Variants in GABRB2 observed in about 807,000 individuals in gnomAD.
The protein encoded by GABRB2 is gamma-aminobutyric acid type A receptor subunit beta2.
A neutral mutation model predicts 54.7 loss-of-function variants in GABRB2; 16 were observed. The ratio of observed to expected loss-of-function variants is 0.29; its 90% CI spans 0.20 to 0.44. The LOEUF is 0.44. GABRB2 is among the 20% of genes least tolerant of loss of function. GABRB2 has a pLI of 1.00. For missense variants in GABRB2, 355 were observed against 644.0 expected (o/e 0.55, Z 4.86); for synonymous variants, 244 against 233.8 (o/e 1.04, Z -0.40).
At chr5:161,400,966 G>A (rs538111454) in intron 5 of GABRB2, among the ~76,000 whole-genome samples, 1 of 152,110 alleles carries the variant, frequency 6.6e-6, no homozygotes, top group African/African-American at 2.4e-5. Context: ...AGGGGGTGTA[G>A]GGGGTGATGT....
intron 3 of GABRB2, among the ~76,000 whole-genome samples, chr5:161,512,227 A>T (rs1218225667): frequency 3.3e-5 from 5 of 151,816 alleles, no homozygotes; most frequent in Non-Finnish European, 7.4e-5. Context: ...TCACAAAATT[A>T]TTTTTTTTAA....
At chr5:161,306,604 T>C (rs1757697877) in intron 9 of GABRB2, among the ~76,000 whole-genome samples, 2 of 152,138 alleles carry the variant, frequency 1.3e-5, no homozygotes, top group Admixed American at 1.3e-4. Flanking sequence ...TGGACTTCGC[T>C]TCTACAGATT....
At chr5:161,385,089 A>G (rs747739944) in intron 5 of GABRB2, among the ~76,000 whole-genome samples, 18 of 152,128 alleles carry the variant, frequency 1.2e-4, no homozygotes, top group Non-Finnish European at 1.9e-4. Context: ...AATCTCCCGC[A>G]TTGAGCATCC....
intron 3 of GABRB2, among the ~76,000 whole-genome samples, chr5:161,489,510 T>A (rs954706957): frequency 1.3e-5 from 2 of 151,544 alleles, no homozygotes; most frequent in Admixed American, 1.3e-4. Context: ...GTCACACTGG[T>A]AGGAAATGAG....
At chr5:161,427,053 T>G (rs1243166893) in intron 4 of GABRB2, among the ~76,000 whole-genome samples, 1 of 152,188 alleles carries the variant, frequency 6.6e-6, no homozygotes, top group Non-Finnish European at 1.5e-5. Flanking sequence ...TTTTCCTATC[T>G]ATGTCTTCTG....
chr5:161,545,349 C>G, intron 2 of GABRB2, 55 bp from the exon 3 acceptor site: 1 of 1,391,524 alleles, frequency 7.2e-7, no homozygotes, highest in Non-Finnish European at 9.9e-7. Context: ...TCATTCTCAG[C>G]AAGAGTTATC....
At chr5:161,469,417 C>T (rs1483311452) in intron 3 of GABRB2, among the ~76,000 whole-genome samples, 2 of 151,630 alleles carry the variant, frequency 1.3e-5, no homozygotes, top group African/African-American at 4.8e-5. Context: ...AGTAAGAGCA[C>T]CAATTGTTCC....
intron 3 of GABRB2, among the ~76,000 whole-genome samples, chr5:161,503,449 T>C (rs190799785): frequency 5.9e-5 from 9 of 152,070 alleles, no homozygotes; most frequent in African/African-American, 2.2e-4. Flanking sequence ...ATTAATCACA[T>C]TAAAAGTAAA....
intron 4 of GABRB2, among the ~76,000 whole-genome samples, chr5:161,441,023 T>C (rs1272668195): frequency 3.9e-5 from 6 of 152,092 alleles, no homozygotes; most frequent in Non-Finnish European, 8.8e-5. Context: ...CAAGAAAACA[T>C]TGGGGAAAAT....
At chr5:161,341,968 T>TATAC (rs1205547471) in intron 5 of GABRB2, among the ~76,000 whole-genome samples, 8 of 31,106 alleles carry the variant, frequency 2.6e-4, no homozygotes, top group East Asian at 1.0e-3. Context: ...TATATATATA[T>TATAC]ACATACTTTA....
At chr5:161,303,537 C>T (rs535057880) in intron 9 of GABRB2, among the ~76,000 whole-genome samples, 52 of 152,114 alleles carry the variant, frequency 3.4e-4, no homozygotes, top group African/African-American at 1.2e-3. Context: ...CTTTACACTG[C>T]TGTTTCAAGT....
intron 3 of GABRB2, among the ~76,000 whole-genome samples, chr5:161,544,479 A>AC (rs1301765456): frequency 2.6e-5 from 4 of 151,908 alleles, no homozygotes; most frequent in Admixed American, 2.6e-4. Context: ...ATTGAAGCAA[A>AC]CCCCCCAACA....
chr5:161,385,888 A>C (rs1755609694), intron 5 of GABRB2, among the ~76,000 whole-genome samples: 1 of 151,880 alleles, frequency 6.6e-6, no homozygotes, highest in African/African-American at 2.4e-5. Flanking sequence ...AAAACATCTA[A>C]AACATTTAGG....
chr5:161,304,106 T>C (rs976512820), intron 9 of GABRB2, among the ~76,000 whole-genome samples: 5 of 151,754 alleles, frequency 3.3e-5, no homozygotes, highest in African/African-American at 1.2e-4. Context: ...GCTAGGGAGG[T>C]CATATAAGAA....
At chr5:161,535,189 ATCTT>A (rs1217695525) in intron 3 of GABRB2, among the ~76,000 whole-genome samples, 2 of 152,156 alleles carry the variant, frequency 1.3e-5, no homozygotes, top group African/African-American at 4.8e-5. Flanking sequence ...TTTTATATAA[ATCTT>A]TCTTTATTGC....
intron 3 of GABRB2, among the ~76,000 whole-genome samples, chr5:161,508,523 T>C (rs1004358903): frequency 5.3e-5 from 8 of 151,874 alleles, no homozygotes; most frequent in African/African-American, 1.9e-4. Context: ...AACTTATTTC[T>C]TGTCTCCCAC....
At chr5:161,486,430 C>T (rs536384897) in intron 3 of GABRB2, among the ~76,000 whole-genome samples, 10 of 152,012 alleles carry the variant, frequency 6.6e-5, no homozygotes, top group East Asian at 1.9e-4. Flanking sequence ...CTGGAAAATG[C>T]GCACTGTAAG....
intron 3 of GABRB2, among the ~76,000 whole-genome samples, chr5:161,462,047 T>C (rs942947793): frequency 5.3e-5 from 8 of 152,176 alleles, no homozygotes; most frequent in Admixed American, 3.9e-4. Flanking sequence ...TAAAAAATAT[T>C]TAAATATTTT....
chr5:161,515,099 T>C (rs976509196), intron 3 of GABRB2, among the ~76,000 whole-genome samples: 4 of 152,096 alleles, frequency 2.6e-5, no homozygotes, highest in African/African-American at 9.7e-5. Context: ...CTTAGATAGG[T>C]AGAAAAAAGG....
Sources: gnomAD v4.1 joint callset for allele counts (sites outside exome capture counted in the v4.1 genomes callset) on GRCh38, gnomAD v4.1.1 for gene constraint, MANE v1.5 for transcripts, NCBI Gene and HGNC (gene_info 2026-07-23, HGNC 2026-07-21) for gene names.